The following TCF20 variants were observed in gnomAD, a reference collection of about 807,000 sequenced individuals.
TCF20 encodes the protein SPRE-binding protein.
In TCF20, 3 loss-of-function variants were observed where a neutral mutation model predicts 148.6. The ratio of observed to expected loss-of-function variants is 0.02; its 90% CI spans 0.01 to 0.05. TCF20 has a LOEUF of 0.05. TCF20 is among the 10% of genes least tolerant of loss of function. TCF20 has a pLI of 1.00. For missense variants in TCF20, 2,350 were observed against 2,429.3 expected, an observed-to-expected ratio of 0.97 and a Z score of 0.69; for synonymous variants, 1,049 against 909.5, an observed-to-expected ratio of 1.15 and a Z score of -2.76.
rs528664836 is a variant in TCF20, at chr22:42,219,355, C to CAAAA, written c.-36-4018_-36-4015dup. ...ACCCTGGGTGACAGTAACCCTGTCT[C>CAAAA]AAAAAAAAAAAAAAAAAAAAAAAAA... On this transcript the variant is annotated intron_variant, in intron 1 of 5. Coordinates refer to ENST00000677622, the MANE Select transcript of TCF20 (RefSeq NM_001378418.1). Among the ~76,000 whole-genome samples, 180 of 43,544 alleles carry CAAAA rather than the reference C, an allele frequency of 4.1e-3. 24 individuals carry two copies. The highest frequency in any genetic ancestry group is 5.2e-3 in the Non-Finnish European group (122 of 23,258). The allele number at this position is 43,544 out of a possible 152,430, so 28.6% of individuals were successfully genotyped here.
intron 1 of TCF20, among the ~76,000 whole-genome samples, chr22:42,318,181 C>G (rs1329536075): frequency 6.6e-6 from 1 of 152,278 alleles, no homozygotes; most frequent in Non-Finnish European, 1.5e-5. Flanking sequence ...CCCCTTGGAG[C>G]CAGCTTGTTT....
intron 1 of TCF20, 92 bp from the exon 2 acceptor site, chr22:42,215,433 G>A (rs1014636441): frequency 2.0e-5 from 29 of 1,442,246 alleles, no homozygotes; most frequent in African/African-American, 5.7e-5. Context: ...AGATGAATCA[G>A]AGGCCCAGAT....
rs755234128 is a variant in TCF20, at chr22:42,214,048, G to A, written c.1258C>T (p.Pro420Ser). 3.1e-6 allele frequency: 5 copies of A among 1,614,188 alleles called. No homozygotes were observed. The highest frequency in any genetic ancestry group is 4.2e-6 in the Non-Finnish European group (5 of 1,180,030). ...RILQLMPQLS[P>S]TPSMMPSPNS... ...GGACTGGGCATCATTGATGGGGTTG[G>A]ACTGAGTTGAGGCATTAACTGTAAA... Residue 420 changes from proline to serine, a missense_variant, in exon 2 of 6, where the codon CCA (proline) becomes TCA (serine). Physicochemically the swap from Pro to Ser is moderately conservative, Grantham distance 74. Around this residue, in one of 7 missense-constraint regions of TCF20, gnomAD observed 1,641 missense variants for 1,662.6 expected, o/e 0.99. Coordinates refer to ENST00000677622, the MANE Select transcript of TCF20 (RefSeq NM_001378418.1).
chr22:42,309,393 T>C (rs1927492483), intron 1 of TCF20, among the ~76,000 whole-genome samples: 1 of 152,022 alleles, frequency 6.6e-6, no homozygotes, highest in Non-Finnish European at 1.5e-5. Flanking sequence ...ATCCTCAACC[T>C]GTCACCCAGA....
At chr22:42,295,771 T>C (rs909462545) in intron 1 of TCF20, among the ~76,000 whole-genome samples, 4 of 152,160 alleles carry the variant, frequency 2.6e-5, no homozygotes, top group Non-Finnish European at 5.9e-5. Context: ...AACCAGCTCA[T>C]GTCCTTCAGG....
At chr22:42,190,584 G>C (rs572993089) in intron 2 of TCF20, among the ~76,000 whole-genome samples, 1 of 152,214 alleles carries the variant, frequency 6.6e-6, no homozygotes, top group Non-Finnish European at 1.5e-5. Context: ...AAGGCCGTCT[G>C]TGCTTGTCTG....
At chr22:42,329,349 C>T (rs774187320) in intron 1 of TCF20, among the ~76,000 whole-genome samples, 3 of 152,230 alleles carry the variant, frequency 2.0e-5, no homozygotes, top group Non-Finnish European at 2.9e-5. Flanking sequence ...CCAGCCTGAA[C>T]GCACCTGCCA....
chr22:42,213,289 AGTT>A lies in TCF20; in HGVS notation c.2014_2016del (p.Asn672del). ...CCATTTCCTTCTCCATTATGGTTGGAGTTGTTATCGCCATTCTTGTTTCCTTTG... is the reference window on the plus strand; with the variant it reads ...CCATTTCCTTCTCCATTATGGTTGGAGTTATCGCCATTCTTGTTTCCTTTG... On this transcript the variant is annotated inframe_deletion, in exon 2 of 6. Coordinates refer to ENST00000677622, the MANE Select transcript of TCF20 (RefSeq NM_001378418.1). 6.2e-7 allele frequency: 1 copy of A among 1,613,852 alleles called. No individual in the cohort carries two copies. Among genetic ancestry groups the A allele is most frequent in the Non-Finnish European group, 8.5e-7 (1 of 1,179,964 alleles).
chr22:42,167,517 A>G (rs535526083), intron 5 of TCF20, among the ~76,000 whole-genome samples: 2 of 146,282 alleles, frequency 1.4e-5, no homozygotes, highest in East Asian at 4.4e-4. Flanking sequence ...GCCACAAGGT[A>G]CATTTTGGTT....
At chr22:42,276,630 C>G (rs1276794618) in intron 1 of TCF20, 3 of 152,184 alleles carry the variant, frequency 2.0e-5, no homozygotes, top group Non-Finnish European at 4.4e-5. Context: ...TGGATGCTGC[C>G]TTCTCAATAG....
At chr22:42,325,627 G>A (rs1420142473) in intron 1 of TCF20, among the ~76,000 whole-genome samples, 1 of 152,186 alleles carries the variant, frequency 6.6e-6, no homozygotes, top group African/African-American at 2.4e-5. Context: ...GGCATCCCAG[G>A]TAGGCAGGAC....
chr22:42,306,142 G>C (rs985659142), intron 1 of TCF20, among the ~76,000 whole-genome samples: 2 of 152,260 alleles, frequency 1.3e-5, no homozygotes, highest in African/African-American at 4.8e-5. Flanking sequence ...CCCGCCTCAA[G>C]CTGAGCGCAT....
At chr22:42,311,722 G>A (rs1234330285) in intron 1 of TCF20, among the ~76,000 whole-genome samples, 2 of 152,164 alleles carry the variant, frequency 1.3e-5, no homozygotes, top group South Asian at 2.1e-4. Context: ...CAGGGCTGTA[G>A]GGCTGAAAAG....
rs148751732 is a variant in TCF20 at position 42,210,536 on chromosome 22, C to T, written c.4770G>A (p.Gly1590=). ...QRQRRERRKP[G]AQPRKRKTKQ... is the part of the protein sequence containing the mutation. The stretch of plus-strand genomic sequence containing the variant: ...TGGTTTTTCGCTTCCTCGGCTGGGC[C>T]CCAGGCTTCCTTCTCTCCCTCCTTT... The change falls in exon 2 of 6, where the codon GGG becomes GGA. Residue 1590 remains glycine, a synonymous_variant. Coordinates refer to ENST00000677622, the MANE Select transcript of TCF20 (RefSeq NM_001378418.1). This position sits in a 1 kb window ranked among gnomAD's most constrained non-coding sequence, Gnocchi z 4.7. 108 of 1,614,128 alleles carry T rather than the reference C, an allele frequency of 6.7e-5. No homozygotes were observed. In the African/African-American group the frequency reaches 1.3e-3, roughly 20 times the overall value.
intron 1 of TCF20, among the ~76,000 whole-genome samples, chr22:42,332,707 A>C (rs1927998042): frequency 6.6e-6 from 1 of 152,192 alleles, no homozygotes; most frequent in Admixed American, 6.5e-5. Context: ...ACCTCAAGTG[A>C]TCTGCCTGCC....
At chr22:42,205,655 T>G (rs374883669) in intron 2 of TCF20, among the ~76,000 whole-genome samples, 4 of 152,218 alleles carry the variant, frequency 2.6e-5, no homozygotes, top group African/African-American at 9.7e-5. Context: ...TTAGTGTAAT[T>G]TTAATTTGTC....
chr22:42,324,462 A>G (rs1169548682), intron 1 of TCF20, among the ~76,000 whole-genome samples: 1 of 152,104 alleles, frequency 6.6e-6, no homozygotes, highest in Non-Finnish European at 1.5e-5. Context: ...AATAATCTCC[A>G]CCATTCCAGA....
chr22:42,166,716 G>C (rs550771235), intron 5 of TCF20, among the ~76,000 whole-genome samples: 10 of 152,046 alleles, frequency 6.6e-5, no homozygotes, highest in African/African-American at 1.9e-4. Context: ...TTGTCCACCA[G>C]GCCCAGGGCC....
At chr22:42,303,722 C>A (rs764192557) in intron 1 of TCF20, among the ~76,000 whole-genome samples, 1 of 152,016 alleles carries the variant, frequency 6.6e-6, no homozygotes, top group African/African-American at 2.4e-5. Context: ...GATGGGTCTG[C>A]GGATGGCAGG....
Sources: gnomAD v4.1 joint callset for allele counts (sites outside exome capture counted in the v4.1 genomes callset) on GRCh38, gnomAD v4.1.1 for gene constraint, gnomAD v4.1.1 regional missense constraint, Gnocchi (gnomAD v3.1) non-coding constraint, MANE v1.5 for transcripts, NCBI Gene and HGNC (gene_info 2026-07-23, HGNC 2026-07-21) for gene names.